Variants in TDRD9 observed in about 807,000 individuals in gnomAD.
TDRD9 encodes tudor domain containing 9, also known as ATP-dependent RNA helicase TDRD9.
In TDRD9, 124 loss-of-function variants were observed where a neutral mutation model predicts 172.6. The ratio of observed to expected loss-of-function variants is 0.72; its 90% CI spans 0.62 to 0.83. The LOEUF (loss-of-function observed/expected upper bound fraction) is 0.83, where lower values mean the gene tolerates loss of function less well. TDRD9 is among the 40% of genes least tolerant of loss of function. The probability of loss-of-function intolerance (pLI) is 0.00; values close to 1 mark genes in which losing one functional copy is unlikely to be tolerated. For missense variants in TDRD9, 1,479 were observed against 1,714.1 expected, an observed-to-expected ratio of 0.86 and a Z score of 2.42; for synonymous variants, 619 against 617.1, an observed-to-expected ratio of 1.00 and a Z score of -0.05.
At chr14:103,998,415 C>T (rs944463334) in intron 12 of TDRD9, among the ~76,000 whole-genome samples, 6 of 152,056 alleles carry the variant, frequency 3.9e-5, no homozygotes, top group African/African-American at 1.4e-4. Flanking sequence ...TTCTTTACAC[C>T]TAGAGACTCC....
intron 1 of TDRD9, among the ~76,000 whole-genome samples, chr14:103,945,209 G>C (rs2031495905): frequency 6.6e-6 from 1 of 152,218 alleles, no homozygotes; most frequent in African/African-American, 2.4e-5. Context: ...CAATGAGCTA[G>C]CCACTGGAAG....
intron 1 of TDRD9, among the ~76,000 whole-genome samples, chr14:103,932,444 G>A (rs893309072): frequency 2.0e-5 from 3 of 151,894 alleles, no homozygotes; most frequent in Non-Finnish European, 4.4e-5. Context: ...CTGGAGTGTA[G>A]TGGCGCCATC....
chr14:104,031,716 G>A (rs952268342), intron 29 of TDRD9, among the ~76,000 whole-genome samples: 2 of 151,774 alleles, frequency 1.3e-5, no homozygotes, highest in Non-Finnish European at 2.9e-5. Flanking sequence ...CAACTGGGTT[G>A]GTCTGCTGCA....
chr14:103,948,888 C>CA (rs57817688), intron 1 of TDRD9, among the ~76,000 whole-genome samples: 58,788 of 114,450 alleles, frequency 0.51, 15,942 homozygotes, highest in South Asian at 0.62. Flanking sequence ...GACTCCATCT[C>CA]AAAAAAAAAA....
chr14:104,032,469 T>C (rs1395425549), intron 30 of TDRD9, among the ~76,000 whole-genome samples: 1 of 152,202 alleles, frequency 6.6e-6, no homozygotes, highest in Admixed American at 6.5e-5. Flanking sequence ...CCTCCCAAAG[T>C]GCTGGGATTA....
At chr14:103,941,910 GT>G (rs1401398176) in intron 1 of TDRD9, among the ~76,000 whole-genome samples, 2 of 152,154 alleles carry the variant, frequency 1.3e-5, no homozygotes, top group Non-Finnish European at 2.9e-5. Context: ...ATGCTTTTAT[GT>G]AGCTTAGCAG....
rs575451683 is a variant in TDRD9, at chr14:103,976,996, A to G, written c.1011+1443A>G. On this transcript the variant is annotated intron_variant, in intron 7 of 35. Transcript: ENST00000409874. ...CTCAGCCTCCCAAAGTGCTGGGATTACATGTGTGAATCACTGCACCCAGCC... is the reference window on the plus strand; with the variant it reads ...CTCAGCCTCCCAAAGTGCTGGGATTGCATGTGTGAATCACTGCACCCAGCC... 4.6e-5 allele frequency among the ~76,000 whole-genome samples: 7 copies of G among 152,278 alleles called. No individual in the cohort carries two copies. The East Asian group carries it at 1.4e-3, about 29-fold the overall frequency.
At chr14:103,991,288 C>G (rs2033854771) in intron 9 of TDRD9, 64 bp downstream of exon 9, 1 of 1,535,302 alleles carries the variant, frequency 6.5e-7, no homozygotes, top group Non-Finnish European at 9.0e-7. Context: ...AAGTTTGTGC[C>G]TAACACAGAT....
At chr14:103,984,149 A>G (rs1048321506) in intron 7 of TDRD9, among the ~76,000 whole-genome samples, 5 of 152,218 alleles carry the variant, frequency 3.3e-5, no homozygotes, top group Non-Finnish European at 7.3e-5. Context: ...ACAGAGCATA[A>G]AAGTTTGGAA....
intron 1 of TDRD9, chr14:103,941,356 T>C (rs755099033): frequency 7.0e-7 from 1 of 1,418,760 alleles, no homozygotes; most frequent in South Asian, 1.3e-5. Flanking sequence ...GAACTTGGAC[T>C]TAGCAGTAGC....
At chr14:103,970,519 T>G in intron 5 of TDRD9, 22 bp from the exon 6 acceptor site, 1 of 1,541,728 alleles carries the variant, frequency 6.5e-7, no homozygotes, top group African/African-American at 1.4e-5. Flanking sequence ...ATGTGGGGGG[T>G]GCCCCCTTTT....
At chr14:104,018,265 G>A (rs2034852822) in intron 23 of TDRD9, 73 bp downstream of exon 23, 4 of 988,218 alleles carry the variant, frequency 4.0e-6, no homozygotes, top group Non-Finnish European at 4.5e-6. Context: ...GACGCTGATT[G>A]TTAAAACGGA....
intron 7 of TDRD9, 55 bp from the exon 8 acceptor site, chr14:103,986,162 G>A (rs2033651116): frequency 1.5e-6 from 2 of 1,339,246 alleles, no homozygotes; most frequent in South Asian, 1.2e-5. Flanking sequence ...CCAACGCCAG[G>A]TTTCTTCTGT....
chr14:104,030,098 T>C (rs1226792230), intron 28 of TDRD9, among the ~76,000 whole-genome samples: 1 of 152,186 alleles, frequency 6.6e-6, no homozygotes, highest in Non-Finnish European at 1.5e-5. Context: ...CAGGGAATTA[T>C]GTTAATATTT....
chr14:104,049,781 G>C, intron 35 of TDRD9, 101 bp downstream of exon 35: 1 of 993,600 alleles, frequency 1.0e-6, no homozygotes, highest in Non-Finnish European at 1.5e-6. Flanking sequence ...CCGAGGGTCT[G>C]AGAGGCAGAG....
intron 1 of TDRD9, among the ~76,000 whole-genome samples, chr14:103,943,018 A>G (rs1243209171): frequency 5.9e-5 from 9 of 152,072 alleles, no homozygotes. Context: ...CTTATAATTC[A>G]TCGTAGAAAA....
chr14:104,036,756 A>G (rs2035461109), intron 32 of TDRD9, among the ~76,000 whole-genome samples: 1 of 152,218 alleles, frequency 6.6e-6, no homozygotes. Flanking sequence ...GTTATATATA[A>G]CAATACACAG....
At chr14:103,989,774 T>G (rs953743813) in intron 8 of TDRD9, among the ~76,000 whole-genome samples, 2 of 152,218 alleles carry the variant, frequency 1.3e-5, no homozygotes, top group Admixed American at 6.5e-5. Flanking sequence ...TGAGTTTGTG[T>G]GTAAGCCTTC....
At chr14:104,005,074 T>C (rs2034391566) in intron 14 of TDRD9, 200 bp from the exon 15 acceptor site, 2 of 440,534 alleles carry the variant, frequency 4.5e-6, no homozygotes, top group Middle Eastern at 5.5e-4. Context: ...TCCCCATCTT[T>C]TTATTTTTCC....
Sources: gnomAD v4.1 joint callset for allele counts (sites outside exome capture counted in the v4.1 genomes callset) on GRCh38, gnomAD v4.1.1 for gene constraint, MANE v1.5 for transcripts, NCBI Gene and HGNC (gene_info 2026-07-23, HGNC 2026-07-21) for gene names.